TLN2: variants seen among roughly 807,000 people sequenced by gnomAD.
TLN2 encodes talin-2.
In TLN2, 118 loss-of-function variants were observed where a neutral mutation model predicts 294.7. The ratio of observed to expected loss-of-function variants is 0.40; its 90% CI spans 0.34 to 0.47. The LOEUF is 0.47. TLN2 is among the 20% of genes least tolerant of loss of function. TLN2 has a pLI of 0.84. For synonymous variants in TLN2, 1,431 were observed against 1,304.5 expected, an observed-to-expected ratio of 1.10 and a Z score of -2.09; for missense variants, 3,083 against 3,282.2, an observed-to-expected ratio of 0.94 and a Z score of 1.48.
chr15:62,791,644 C>A (rs753348674), intron 45 of TLN2, among the ~76,000 whole-genome samples: 1 of 152,180 alleles, frequency 6.6e-6, no homozygotes, highest in Admixed American at 6.5e-5. Flanking sequence ...TACCTGAGAT[C>A]TTTTCATAAC....
intron 9 of TLN2, among the ~76,000 whole-genome samples, chr15:62,658,908 C>G (rs1386118284): frequency 6.6e-6 from 1 of 152,132 alleles, no homozygotes; most frequent in African/African-American, 2.4e-5. Flanking sequence ...ACACCAAGAG[C>G]TAGAGGGGCC....
chr15:62,437,428 A>G (rs1389621426), intron 1 of TLN2, among the ~76,000 whole-genome samples: 1 of 150,928 alleles, frequency 6.6e-6, no homozygotes, highest in South Asian at 2.1e-4. Flanking sequence ...TTTTTTTTGT[A>G]GTCACAGGAT....
chr15:62,653,155 T>C lies in TLN2; in HGVS notation c.365-7T>C. On this transcript the variant is annotated splice_region_variant and splice_polypyrimidine_tract_variant and intron_variant, in intron 6 of 58. Coordinates refer to ENST00000636159, the MANE Select transcript of TLN2 (RefSeq NM_015059.3). ...TTTATAATTATAACCTAATTTCCAA[T>C]GTTTAGGAATAACAAATTATGAAGA... 1 of 1,538,378 alleles carries C rather than the reference T, an allele frequency of 6.5e-7. No individual in the cohort carries two copies. The highest frequency in any genetic ancestry group is 8.7e-7 in the Non-Finnish European group (1 of 1,143,080).
chr15:62,482,582 A>G (rs1291592089), intron 1 of TLN2, among the ~76,000 whole-genome samples: 1 of 149,188 alleles, frequency 6.7e-6, no homozygotes, highest in African/African-American at 2.5e-5. Flanking sequence ...AGCCTGGACA[A>G]CAAGAGTAAA....
chr15:62,452,205 C>T (rs573250742), intron 1 of TLN2, among the ~76,000 whole-genome samples: 132 of 152,292 alleles, frequency 8.7e-4, no homozygotes, highest in Admixed American at 2.0e-3. Context: ...GAGGCCTAGA[C>T]AGACAGGAGC....
rs773093884 is a variant in TLN2 at position 62,800,742 on chromosome 15, A to G, written c.6450A>G (p.Thr2150=). The G allele has an allele frequency of 6.2e-7, 1 of 1,613,098 alleles. No homozygotes were observed. Among genetic ancestry groups the G allele is most frequent in the South Asian group, 1.1e-5 (1 of 90,820 alleles). ...GGGGCACCAGGGCGCTTGAGGCCAC[A>G]ATTGAATGCATAAAGCAGGAGCTTA... ...ATRGTRALEA[T]IECIKQELTV... is the part of the protein sequence containing the mutation. The change falls in exon 50 of 59, where the codon ACA becomes ACG. Residue 2150 remains threonine (T), a synonymous_variant. Coordinates refer to ENST00000636159, the MANE Select transcript of TLN2 (RefSeq NM_015059.3).
intron 2 of TLN2, among the ~76,000 whole-genome samples, chr15:62,595,412 C>CAAAAAA (rs35989710): frequency 7.3e-5 from 6 of 82,156 alleles, no homozygotes; most frequent in Admixed American, 1.4e-4. Flanking sequence ...GACTCCGTCT[C>CAAAAAA]AAAAAAAAAA....
At chr15:62,801,431 G>C (rs2065920189) in intron 50 of TLN2, among the ~76,000 whole-genome samples, 1 of 152,186 alleles carries the variant, frequency 6.6e-6, no homozygotes, top group Admixed American at 6.5e-5. Context: ...ATGCCAAAAA[G>C]AGTAGTTTCA....
intron 1 of TLN2, among the ~76,000 whole-genome samples, chr15:62,403,440 C>A (rs1455942895): frequency 6.6e-6 from 1 of 152,066 alleles, no homozygotes; most frequent in Non-Finnish European, 1.5e-5. Flanking sequence ...GCCACGTTGC[C>A]CAGGCTGGTT....
At chr15:62,719,701 G>T (rs1595778307) in intron 24 of TLN2, 66 bp from the exon 25 acceptor site, 5 of 1,336,936 alleles carry the variant, frequency 3.7e-6, no homozygotes, top group Non-Finnish European at 4.0e-6. Context: ...CTTGGGTCAT[G>T]GTCTAGCTTC....
At chr15:62,819,676 A>G (rs1172447837) in intron 53 of TLN2, 55 bp downstream of exon 53, 3 of 1,496,370 alleles carry the variant, frequency 2.0e-6, no homozygotes, top group Middle Eastern at 1.7e-4. Flanking sequence ...CAGTGCTAAT[A>G]CAGCAGACTG....
intron 1 of TLN2, among the ~76,000 whole-genome samples, chr15:62,403,828 CT>C (rs2033201694): frequency 6.6e-6 from 1 of 152,220 alleles, no homozygotes; most frequent in Admixed American, 6.5e-5. Flanking sequence ...CCGGCATCCC[CT>C]GGCCCCTGTT....
intron 1 of TLN2, among the ~76,000 whole-genome samples, chr15:62,399,822 T>C (rs462310): frequency 0.81 from 123,448 of 152,156 alleles, 50,824 homozygotes; most frequent in East Asian, 0.91. Context: ...TTTACAGGCT[T>C]ATAGGTGAAA....
At chr15:62,733,582 A>G (rs983437900) in intron 28 of TLN2, among the ~76,000 whole-genome samples, 2 of 152,218 alleles carry the variant, frequency 1.3e-5, no homozygotes, top group Admixed American at 1.3e-4. Context: ...GATTTGTGTC[A>G]TACCTGGTCT....
chr15:62,841,413 G>A lies in TLN2; in HGVS notation c.*803G>A, dbSNP rs944273251. On this transcript the variant is annotated 3_prime_UTR_variant, in exon 59 of 59. Transcript: ENST00000636159. Reference sequence around the variant, plus strand: ...ACAAACCCACGGCTCCCAGTTGACAGTCAGTGGAATGCTCGTCTCCTTAGC... The same window carrying A: ...ACAAACCCACGGCTCCCAGTTGACAATCAGTGGAATGCTCGTCTCCTTAGC... 1 of 152,180 alleles carries A rather than the reference G, an allele frequency of 6.6e-6. No individual in the cohort carries two copies. The highest frequency in any genetic ancestry group is 2.4e-5 in the African/African-American group (1 of 41,428). 9.4% of individuals were successfully genotyped at this position (152,180 alleles called of 1,614,324 possible).
chr15:62,442,478 G>A (rs915353538), intron 1 of TLN2, among the ~76,000 whole-genome samples: 1 of 121,668 alleles, frequency 8.2e-6, no homozygotes, highest in African/African-American at 3.0e-5. Context: ...GGGGCACAGA[G>A]TGAGACTCTG....
chr15:62,465,220 A>G (rs999834989), intron 1 of TLN2, among the ~76,000 whole-genome samples: 4 of 150,568 alleles, frequency 2.7e-5, no homozygotes, highest in Non-Finnish European at 4.4e-5. Flanking sequence ...TAGCCTTGGA[A>G]GATTCCTCTG....
At chr15:62,609,844 CATTT>C (rs1211125948) in intron 2 of TLN2, among the ~76,000 whole-genome samples, 2 of 152,104 alleles carry the variant, frequency 1.3e-5, no homozygotes, top group Non-Finnish European at 2.9e-5. Flanking sequence ...TTTATTTATT[CATTT>C]ATTTATACCA....
At chr15:62,596,271 A>AG (rs887552842) in intron 2 of TLN2, among the ~76,000 whole-genome samples, 3 of 151,664 alleles carry the variant, frequency 2.0e-5, no homozygotes, top group Non-Finnish European at 4.4e-5. Flanking sequence ...TCTCAAAAAA[A>AG]AAAAAAAAAG....
Sources: gnomAD v4.1 joint callset for allele counts (sites outside exome capture counted in the v4.1 genomes callset) on GRCh38, gnomAD v4.1.1 for gene constraint, MANE v1.5 for transcripts, NCBI Gene and HGNC (gene_info 2026-07-23, HGNC 2026-07-21) for gene names.